Variants in CCDC68 observed in about 807,000 individuals in gnomAD.
CCDC68 encodes the protein coiled-coil domain containing 68, also known as coiled-coil domain-containing protein 68.
A neutral mutation model predicts 47.1 loss-of-function variants in CCDC68; 45 were observed. The observed-to-expected ratio is 0.96, with a 90% CI of 0.75 to 1.23. CCDC68 has a LOEUF of 1.23. Ranked by LOEUF, CCDC68 falls within the 50% of genes most tolerant of loss-of-function variation. The probability of loss-of-function intolerance (pLI) is 0.00; values close to 1 mark genes in which losing one functional copy is unlikely to be tolerated. For synonymous variants in CCDC68, 131 were observed against 129.5 expected, an observed-to-expected ratio of 1.01 and a Z score of -0.08; for missense variants, 353 against 373.6, an observed-to-expected ratio of 0.94 and a Z score of 0.45.
chr18:54,911,550 T>C (rs570298158), intron 10 of CCDC68, among the ~76,000 whole-genome samples: 2 of 152,306 alleles, frequency 1.3e-5, no homozygotes, highest in South Asian at 2.1e-4. Flanking sequence ...GGAAATGTAC[T>C]TCAGATTTCA....
chr18:54,936,842 T>C lies in CCDC68; in HGVS notation c.462A>G (p.Gln154=). The C allele has an allele frequency of 6.2e-7, 1 of 1,614,130 alleles. No homozygotes were observed. Among genetic ancestry groups the C allele is most frequent in the Non-Finnish European group, 8.5e-7 (1 of 1,179,988 alleles). Reference sequence around the variant, plus strand: ...GCTGCATGTTTGGTACCTGGAGTAATTGTTTACTGTCCTCCTGCTTCTTTC... The same window carrying C: ...GCTGCATGTTTGGTACCTGGAGTAACTGTTTACTGTCCTCCTGCTTCTTTC... The part of the protein sequence containing the change: ...EVRKKQEDSK[Q]LLQVNKLEKE... Residue 154 remains glutamine (Q), a synonymous_variant, in exon 6 of 12, where the codon CAA becomes CAG. Coordinates refer to ENST00000591504, the MANE Select transcript of CCDC68 (RefSeq NM_025214.3).
chr18:54,911,368 A>T (rs7239776), intron 10 of CCDC68, among the ~76,000 whole-genome samples: 69,264 of 151,894 alleles, frequency 0.46, 16,194 homozygotes, highest in East Asian at 0.55. Flanking sequence ...TATTTTCTGA[A>T]ATTCCACCTG....
chr18:54,946,048 G>T (rs2044519154), intron 1 of CCDC68, among the ~76,000 whole-genome samples: 1 of 151,892 alleles, frequency 6.6e-6, no homozygotes, highest in Admixed American at 6.6e-5. Flanking sequence ...ATCAAAAGAA[G>T]AATAACATTT....
In CCDC68 at chr18:54,950,897, C is replaced by CTTTTTTTT. The variant is rs869026740; in HGVS notation, c.-102-5428_-102-5421dup. Reference sequence around the variant, plus strand: ...TTAGGTTGACCCCAAATTCAGATGTCTTTTTTTTTTTTTTTTTTTTTTTTT... The same window carrying CTTTTTTTT: ...TTAGGTTGACCCCAAATTCAGATGTCTTTTTTTTTTTTTTTTTTTTTTTTTTTTTTTTT... On this transcript the variant is annotated intron_variant, in intron 1 of 11. Coordinates refer to ENST00000591504, the MANE Select transcript of CCDC68 (RefSeq NM_025214.3). Among the ~76,000 whole-genome samples, 9 of 61,960 alleles carry CTTTTTTTT rather than the reference C, an allele frequency of 1.5e-4. 1 individual carries two copies. Among genetic ancestry groups the CTTTTTTTT allele is most frequent in the African/African-American group, 2.0e-4 (3 of 14,646 alleles). 40.6% of individuals were successfully genotyped at this position (61,960 alleles called of 152,430 possible). A position where few individuals can be genotyped will look rare whatever the true frequency, so the allele number is the denominator to read the frequency against.
chr18:54,939,552 C>T lies in CCDC68; in HGVS notation c.204+1445G>A, dbSNP rs141318264. Among the ~76,000 whole-genome samples, 254 of 152,042 alleles carry T rather than the reference C, an allele frequency of 1.7e-3. 1 individual carries two copies. The highest frequency in any genetic ancestry group is 1.5e-3 in the Non-Finnish European group (103 of 67,996). ...TCACTATGGTGAAATCTCTACAGGG[C>T]CAGAGGGCTGATGCTTTGATGCATG... On this transcript the variant is annotated intron_variant, in intron 4 of 11. Coordinates refer to ENST00000591504, the MANE Select transcript of CCDC68 (RefSeq NM_025214.3).
At chr18:54,943,075 T>A in intron 2 of CCDC68, 1 of 251,902 alleles carries the variant, frequency 4.0e-6, no homozygotes, top group South Asian at 5.4e-5. Context: ...CATCTCAGAC[T>A]GTAAAATCTA....
intron 7 of CCDC68, among the ~76,000 whole-genome samples, chr18:54,931,821 A>C (rs1371991365): frequency 6.6e-6 from 1 of 152,204 alleles, no homozygotes; most frequent in East Asian, 1.9e-4. Flanking sequence ...GAAGGTTTTA[A>C]GTAATATGTT....
At chr18:54,906,188 G>A (rs1018373126) in intron 11 of CCDC68, among the ~76,000 whole-genome samples, 1 of 152,004 alleles carries the variant, frequency 6.6e-6, no homozygotes, top group East Asian at 1.9e-4. Flanking sequence ...CTGGACCCTG[G>A]TTCCAAAAAG....
intron 7 of CCDC68, among the ~76,000 whole-genome samples, chr18:54,932,430 A>ATCC (rs1350148200): frequency 6.6e-6 from 1 of 151,762 alleles, no homozygotes; most frequent in Non-Finnish European, 1.5e-5. Flanking sequence ...GCCTCAAGCG[A>ATCC]TCCTCCTGCC....
rs759466735 is a variant in CCDC68, at chr18:54,950,788, G to GTATATATATATA, written c.-102-5323_-102-5312dup. Among the ~76,000 whole-genome samples the GTATATATATATA allele has an allele frequency of 1.9e-3, 187 of 97,330 alleles. 15 individuals carry two copies. Among genetic ancestry groups the GTATATATATATA allele is most frequent in the East Asian group, 0.013 (33 of 2,584 alleles). The allele number at this position is 97,330 out of a possible 152,430, so 63.9% of individuals were successfully genotyped here. A position where few individuals can be genotyped will look rare whatever the true frequency, so the allele number is the denominator to read the frequency against. ...CTGTGTTATTGTTATTATCTTCAGTGTATATATATATATATGATGCAATAA... is the reference window on the plus strand; with the variant it reads ...CTGTGTTATTGTTATTATCTTCAGTGTATATATATATATATATATATATATATGATGCAATAA... On this transcript the variant is annotated intron_variant, in intron 1 of 11. Transcript: ENST00000591504.
intron 10 of CCDC68, among the ~76,000 whole-genome samples, chr18:54,912,714 G>A (rs1914437498): frequency 6.6e-6 from 1 of 152,176 alleles, no homozygotes; most frequent in African/African-American, 2.4e-5. Flanking sequence ...ACCCAAGACT[G>A]GGTAATTTAT....
At chr18:54,919,502 G>A (rs530226455) in intron 8 of CCDC68, 126 bp from the exon 9 acceptor site, 10 of 694,336 alleles carry the variant, frequency 1.4e-5, no homozygotes, top group Admixed American at 8.5e-5. Context: ...AGACCCCGGG[G>A]CCCCATTATG....
chr18:54,925,050 TATAG>T (rs2044123298), intron 8 of CCDC68, among the ~76,000 whole-genome samples: 1 of 152,224 alleles, frequency 6.6e-6, no homozygotes, highest in African/African-American at 2.4e-5. Context: ...TTTCTGGCTT[TATAG>T]ATAGATAAGA....
At position 54,939,687 on chromosome 18, in the gene CCDC68, C is replaced by T. The variant is rs985593415; in HGVS notation, c.204+1310G>A. Among the ~76,000 whole-genome samples, 51 of 152,228 alleles carry T rather than the reference C, an allele frequency of 3.4e-4. 1 individual carries two copies. The highest frequency in any genetic ancestry group is 1.1e-3 in the African/African-American group (46 of 41,542). On this transcript the variant is annotated intron_variant, in intron 4 of 11. Transcript: ENST00000591504. ...TCCTATCTATGGTGGGCATTCAGTCCGCAATTTCCTTGGCCCATGGACATT... is the reference window on the plus strand; with the variant it reads ...TCCTATCTATGGTGGGCATTCAGTCTGCAATTTCCTTGGCCCATGGACATT...
At chr18:54,941,464 C>T (rs9959636) in intron 3 of CCDC68, among the ~76,000 whole-genome samples, 5 of 112,786 alleles carry the variant, frequency 4.4e-5, no homozygotes, top group African/African-American at 1.5e-4. Context: ...TTAGTAATCA[C>T]TACAAAATAA....
intron 1 of CCDC68, among the ~76,000 whole-genome samples, chr18:54,946,090 T>C (rs2044520355): frequency 6.6e-6 from 1 of 152,182 alleles, no homozygotes; most frequent in Admixed American, 6.5e-5. Flanking sequence ...GAATTTCAAA[T>C]TTAGTATTCA....
rs768630977 is a variant in CCDC68 at position 54,938,020 on chromosome 18, C to A, written c.282G>T (p.Lys94Asn). ...SCCSLDLLMK[K>N]IKGKDLQLLE... The stretch of plus-strand genomic sequence containing the variant: ...AGAGCTGTAGGTCTTTTCCTTTTAT[C>A]TTTTTCATAAGCAAATCCAAACTGC... The change falls in exon 5 of 12, where the codon AAG (lysine) becomes AAT (asparagine). Residue 94 changes from lysine (K) to asparagine (N), a missense_variant. Transcript: ENST00000591504. 1.2e-6 allele frequency: 2 copies of A among 1,613,488 alleles called. No individual in the cohort carries two copies. The highest frequency in any genetic ancestry group is 1.7e-6 in the Non-Finnish European group (2 of 1,179,678).
chr18:54,902,950 C>T lies in CCDC68; in HGVS notation c.*1408G>A, dbSNP rs1599012421. On this transcript the variant is annotated 3_prime_UTR_variant, in exon 12 of 12. Transcript: ENST00000591504. ...AATTAATACAAGTAAAGTGCTTAGA[C>T]TTGTTGCTGGTATAAGGTAACTATG... The T allele has an allele frequency of 6.6e-6, 1 of 152,300 alleles. No homozygotes were observed. Among genetic ancestry groups the T allele is most frequent in the East Asian group, 1.9e-4 (1 of 5,182 alleles). 9.4% of individuals were successfully genotyped at this position (152,300 alleles called of 1,614,324 possible). A position where few individuals can be genotyped will look rare whatever the true frequency, so the allele number is the denominator to read the frequency against.
chr18:54,953,549 T>TAGAGAGAG (rs879342365), intron 1 of CCDC68, among the ~76,000 whole-genome samples: 15 of 110,732 alleles, frequency 1.4e-4, no homozygotes, highest in East Asian at 8.6e-4. Context: ...CATATATATA[T>TAGAGAGAG]ATAGAGAGAG....
Sources: allele counts gnomAD v4.1 joint callset (sites outside exome capture counted in the v4.1 genomes callset), GRCh38; gene constraint gnomAD v4.1.1; transcripts MANE v1.5; gene names NCBI Gene and HGNC (gene_info 2026-07-23, HGNC 2026-07-21).